HIKESHI: variants seen among roughly 807,000 people sequenced by gnomAD.
The protein encoded by HIKESHI is heat shock protein nuclear import factor hikeshi.
Under a neutral mutation model 25.7 loss-of-function variants are expected in HIKESHI, and 13 were observed. The observed-to-expected ratio is 0.51, with a 90% CI of 0.33 to 0.80. HIKESHI has a LOEUF of 0.80. Among genes scored for constraint, HIKESHI ranks in the 30% least tolerant of loss-of-function variants. The pLI, the probability that HIKESHI is intolerant of heterozygous loss-of-function variation, is 0.02. For missense variants in HIKESHI, 174 were observed against 229.5 expected, an observed-to-expected ratio of 0.76 and a Z score of 1.56; for synonymous variants, 76 against 78.7, an observed-to-expected ratio of 0.97 and a Z score of 0.18.
intron 2 of HIKESHI, among the ~76,000 whole-genome samples, chr11:86,320,135 T>C (rs560807937): frequency 3.3e-4 from 50 of 152,364 alleles, no homozygotes; most frequent in Admixed American, 5.9e-4. Context: ...TAAAGAATTA[T>C]GAAATCATGG....
intron 2 of HIKESHI, among the ~76,000 whole-genome samples, chr11:86,318,273 C>T (rs1947043293): frequency 1.2e-5 from 1 of 83,890 alleles, no homozygotes; most frequent in South Asian, 3.9e-4. Flanking sequence ...CATTGCACTC[C>T]ATCCTGGGCG....
rs1555186477 is a variant in HIKESHI at position 86,334,234 on chromosome 11, A to ATGTGTGTGTG, written c.269-3144_269-3143insGTGTGTGTGT. ...GATTCTTCTCAACATTCTTTGTAAA[A>ATGTGTGTGTG]TATGTGTGTGTGTGTGTGTGTGTGT... is the stretch of plus-strand genomic sequence containing the variant. On this transcript the variant is annotated intron_variant, in intron 2 of 4. Transcript: ENST00000278483. Among the ~76,000 whole-genome samples the ATGTGTGTGTG allele has an allele frequency of 4.8e-5, 6 of 125,940 alleles. No individual in the cohort carries two copies. In the South Asian group the frequency reaches 8.3e-4, roughly 17 times the overall value. The allele number at this position is 125,940 out of a possible 152,430, so 82.6% of individuals were successfully genotyped here.
intron 3 of HIKESHI, 136 bp from the exon 4 acceptor site, chr11:86,344,467 C>A: frequency 1.9e-6 from 1 of 532,180 alleles, no homozygotes; most frequent in Non-Finnish European, 3.2e-6. Context: ...CGCACCCAGC[C>A]AGCTTTCAGC....
chr11:86,318,265 T>C (rs959051029), intron 2 of HIKESHI, among the ~76,000 whole-genome samples: 19 of 101,702 alleles, frequency 1.9e-4, no homozygotes, highest in Non-Finnish European at 3.0e-4. Context: ...GATCGCGCCA[T>C]TGCACTCCAT....
In HIKESHI at chr11:86,345,505, G is replaced by A. The variant is rs987720444; in HGVS notation, c.540-79G>A. The stretch of plus-strand genomic sequence containing the variant: ...TAGAAATGACATGTAAAATTGTTTT[G>A]GATAAGTCATTTGGCAGTTAATGAA... On this transcript the variant is annotated intron_variant, in intron 4 of 4. Transcript: ENST00000278483. The A allele has an allele frequency of 7.6e-6, 6 of 789,134 alleles. No homozygotes were observed. In the African/African-American group the frequency reaches 1.1e-4, roughly 14 times the overall value. The allele number at this position is 789,134 out of a possible 1,614,324, so 48.9% of individuals were successfully genotyped here.
intron 2 of HIKESHI, among the ~76,000 whole-genome samples, chr11:86,320,389 C>T (rs927878298): frequency 6.6e-6 from 1 of 152,138 alleles, no homozygotes; most frequent in Non-Finnish European, 1.5e-5. Flanking sequence ...ACCAGCCTGG[C>T]TAACGTGGTG....
intron 2 of HIKESHI, among the ~76,000 whole-genome samples, chr11:86,307,538 T>C (rs1253632007): frequency 7.2e-6 from 1 of 138,332 alleles, no homozygotes; most frequent in African/African-American, 2.6e-5. Flanking sequence ...TAGTATACAT[T>C]ATATATCAAA....
intron 2 of HIKESHI, among the ~76,000 whole-genome samples, chr11:86,333,603 AG>A (rs988109394): frequency 1.4e-4 from 21 of 152,280 alleles, no homozygotes; most frequent in African/African-American, 4.8e-4. Flanking sequence ...CAGTCATTTA[AG>A]AAGAAGGAAT....
At chr11:86,319,234 A>ATTT (rs1226979357) in intron 2 of HIKESHI, among the ~76,000 whole-genome samples, 3 of 90,724 alleles carry the variant, frequency 3.3e-5, no homozygotes, top group Admixed American at 1.5e-4. Context: ...ATATATATAT[A>ATTT]TATATATATT....
intron 2 of HIKESHI, among the ~76,000 whole-genome samples, chr11:86,325,867 G>A (rs1423222679): frequency 4.1e-4 from 38 of 93,020 alleles, no homozygotes; most frequent in Non-Finnish European, 6.3e-4. Flanking sequence ...CCGAGACTCC[G>A]TCTCAGAAAA....
At chr11:86,319,238 A>ATTTTTT (rs1246298090) in intron 2 of HIKESHI, among the ~76,000 whole-genome samples, 4 of 83,006 alleles carry the variant, frequency 4.8e-5, no homozygotes, top group Admixed American at 1.6e-4. Flanking sequence ...ATATATATAT[A>ATTTTTT]TATATTTTTT....
At chr11:86,337,558 C>T (rs1338196622) in intron 3 of HIKESHI, 28 bp downstream of exon 3, 1 of 1,599,604 alleles carries the variant, frequency 6.3e-7, no homozygotes, top group Non-Finnish European at 8.5e-7. Flanking sequence ...TCATTCTTTA[C>T]CTCCCCCTCC....
intron 2 of HIKESHI, among the ~76,000 whole-genome samples, chr11:86,320,969 C>G (rs1947133385): frequency 6.6e-6 from 1 of 152,098 alleles, no homozygotes; most frequent in Non-Finnish European, 1.5e-5. Flanking sequence ...GAGTCTCACA[C>G]TGTTGCTCAG....
chr11:86,344,755 T>C, intron 4 of HIKESHI, 34 bp downstream of exon 4: 1 of 1,279,902 alleles, frequency 7.8e-7, no homozygotes, highest in Non-Finnish European at 1.1e-6. Context: ...ATATTAAGGC[T>C]TTTTATAACT....
At chr11:86,344,572 A>G (rs1161474424) in intron 3 of HIKESHI, 31 bp from the exon 4 acceptor site, 2 of 1,258,212 alleles carry the variant, frequency 1.6e-6, no homozygotes, top group African/African-American at 1.5e-5. Context: ...AGTATTCAGT[A>G]TAATCCATTA....
chr11:86,315,585 C>G (rs1946956049), intron 2 of HIKESHI, among the ~76,000 whole-genome samples: 1 of 152,128 alleles, frequency 6.6e-6, no homozygotes, highest in African/African-American at 2.4e-5. Context: ...TCCCAAAGTG[C>G]TGGGATTACA....
At chr11:86,314,085 A>G (rs1184138925) in intron 2 of HIKESHI, among the ~76,000 whole-genome samples, 2 of 152,200 alleles carry the variant, frequency 1.3e-5, no homozygotes, top group Admixed American at 6.5e-5. Context: ...TCTACAAAGT[A>G]TGTGTACCAT....
Position 86,321,819 on chromosome 11 carries a change from C to A in HIKESHI, c.268+15337C>A, listed in dbSNP as rs568801607. ...TGTTGGGATTACAGACGCGAGTCTC[C>A]ACGCCTGGCCTTGTTTTACATTTCA... On this transcript the variant is annotated intron_variant, in intron 2 of 4. Transcript: ENST00000278483. 4.6e-5 allele frequency among the ~76,000 whole-genome samples: 7 copies of A among 152,258 alleles called. No individual in the cohort carries two copies. In the East Asian group the frequency reaches 1.4e-3, roughly 29 times the overall value.
At chr11:86,337,307 A>T in intron 2 of HIKESHI, 72 bp from the exon 3 acceptor site, 1 of 1,425,360 alleles carries the variant, frequency 7.0e-7, no homozygotes. Flanking sequence ...GAGGTTCTTT[A>T]TAAATTTACA....
Sources: allele counts gnomAD v4.1 joint callset (sites outside exome capture counted in the v4.1 genomes callset), GRCh38; gene constraint gnomAD v4.1.1; transcripts MANE v1.5; gene names NCBI Gene and HGNC (gene_info 2026-07-23, HGNC 2026-07-21).